ELP4: variants seen among roughly 807,000 people sequenced by gnomAD.
ELP4 encodes the protein elongator acetyltransferase complex subunit 4.
A neutral mutation model predicts 48.9 loss-of-function variants in ELP4; 51 were observed. That is an observed-to-expected ratio of 1.04 (90% CI 0.83 to 1.32). The LOEUF is 1.32. Ranked by LOEUF, ELP4 falls within the 40% of genes most tolerant of loss-of-function variation. The pLI, the probability that ELP4 is intolerant of heterozygous loss-of-function variation, is 0.00. For synonymous variants in ELP4, 210 were observed against 189.2 expected, an observed-to-expected ratio of 1.11 and a Z score of -0.90; for missense variants, 519 against 514.6, an observed-to-expected ratio of 1.01 and a Z score of -0.08.
chr11:31,709,841 G>A (rs1248556829), intron 9 of ELP4, among the ~76,000 whole-genome samples: 1 of 152,068 alleles, frequency 6.6e-6, no homozygotes, highest in East Asian at 1.9e-4. Context: ...CAATCACAAT[G>A]TGTCAAATAC....
At chr11:31,550,241 A>G (rs1420093431) in intron 3 of ELP4, among the ~76,000 whole-genome samples, 1 of 152,120 alleles carries the variant, frequency 6.6e-6, no homozygotes, top group Non-Finnish European at 1.5e-5. Context: ...AGTGAGTATA[A>G]AATACTTTTT....
intron 2 of ELP4, among the ~76,000 whole-genome samples, chr11:31,538,841 T>A (rs1236432501): frequency 2.0e-5 from 3 of 152,034 alleles, no homozygotes; most frequent in African/African-American, 7.3e-5. Flanking sequence ...ATAAAATGAG[T>A]TTAGAAGTGT....
intron 3 of ELP4, among the ~76,000 whole-genome samples, chr11:31,577,835 A>G (rs1216119325): frequency 6.6e-6 from 1 of 152,202 alleles, no homozygotes; most frequent in Non-Finnish European, 1.5e-5. Context: ...CACAGCCAAC[A>G]TCATACTGAA....
chr11:31,546,789 C>G (rs1286389980), intron 3 of ELP4, among the ~76,000 whole-genome samples: 4 of 152,116 alleles, frequency 2.6e-5, no homozygotes, highest in African/African-American at 7.2e-5. Context: ...AACTGTCTCT[C>G]AGACCACAGT....
intron 3 of ELP4, among the ~76,000 whole-genome samples, chr11:31,581,133 A>G (rs1399914742): frequency 2.0e-5 from 3 of 152,208 alleles, no homozygotes; most frequent in African/African-American, 7.2e-5. Flanking sequence ...AAATGTATGT[A>G]AGTGTGAAAC....
At chr11:31,573,295 T>A (rs1288112149) in intron 3 of ELP4, among the ~76,000 whole-genome samples, 2 of 152,206 alleles carry the variant, frequency 1.3e-5, no homozygotes, top group Non-Finnish European at 2.9e-5. Context: ...AAAACTCTTC[T>A]AGCTCTCTAC....
chr11:31,669,909 T>G (rs1241255456), intron 9 of ELP4, among the ~76,000 whole-genome samples: 1 of 152,178 alleles, frequency 6.6e-6, no homozygotes, highest in African/African-American at 2.4e-5. Context: ...TACTTTCTGC[T>G]TGGGATATGC....
chr11:31,597,199 A>AT (rs1050954541), intron 4 of ELP4, among the ~76,000 whole-genome samples: 2 of 152,186 alleles, frequency 1.3e-5, no homozygotes, highest in African/African-American at 4.8e-5. Flanking sequence ...CATACAGCAG[A>AT]TTTTTTTAAC....
intron 9 of ELP4, among the ~76,000 whole-genome samples, chr11:31,713,393 A>G (rs1052662406): frequency 2.0e-5 from 3 of 152,192 alleles, no homozygotes; most frequent in African/African-American, 7.2e-5. Flanking sequence ...TGCCAGAAAT[A>G]TGCTAACAAG....
At chr11:31,538,110 G>T (rs1416397822) in intron 2 of ELP4, among the ~76,000 whole-genome samples, 1 of 151,764 alleles carries the variant, frequency 6.6e-6, no homozygotes, top group African/African-American at 2.4e-5. Flanking sequence ...AATTGCAGGT[G>T]GGATTTCTAA....
At chr11:31,701,264 T>G (rs922362083) in intron 9 of ELP4, among the ~76,000 whole-genome samples, 1 of 152,140 alleles carries the variant, frequency 6.6e-6, no homozygotes. Flanking sequence ...ATATTTTCTG[T>G]TATATAGCCA....
intron 9 of ELP4, among the ~76,000 whole-genome samples, chr11:31,726,874 A>G (rs1336499578): frequency 6.6e-6 from 1 of 152,220 alleles, no homozygotes; most frequent in African/African-American, 2.4e-5. Flanking sequence ...ATGTTTTTCT[A>G]TAATAAACAA....
chr11:31,588,580 G>GT lies in ELP4; in HGVS notation c.382-6182dup, dbSNP rs1399648909. The stretch of plus-strand genomic sequence containing the variant: ...GTACTTCTCCGCGTTGTTTGAAATT[G>GT]TTTTTTTTAAATTATTATTTTTTAA... On this transcript the variant is annotated intron_variant, in intron 3 of 9. Transcript: ENST00000640961. Among the ~76,000 whole-genome samples the GT allele has an allele frequency of 9.9e-5, 15 of 151,796 alleles. No homozygotes were observed. In the East Asian group the frequency reaches 2.7e-3, roughly 27 times the overall value.
At chr11:31,638,539 T>C (rs1382618569) in intron 7 of ELP4, among the ~76,000 whole-genome samples, 1 of 151,872 alleles carries the variant, frequency 6.6e-6, no homozygotes, top group Non-Finnish European at 1.5e-5. Flanking sequence ...AAAATTCATT[T>C]TCTGACGAAA....
intron 9 of ELP4, among the ~76,000 whole-genome samples, chr11:31,722,063 T>A (rs1007400749): frequency 1.3e-5 from 2 of 152,108 alleles, no homozygotes; most frequent in Admixed American, 6.5e-5. Flanking sequence ...ATATTTTGGG[T>A]GAAAAATTGT....
chr11:31,512,458 A>G (rs1956025829), intron 1 of ELP4: 2 of 152,180 alleles, frequency 1.3e-5, no homozygotes, highest in African/African-American at 2.4e-5. Context: ...TGAATTTGAA[A>G]ATTTTCAATA....
intron 5 of ELP4, among the ~76,000 whole-genome samples, chr11:31,612,298 G>T (rs1957996513): frequency 1.3e-5 from 2 of 152,154 alleles, no homozygotes; most frequent in African/African-American, 4.8e-5. Context: ...GAAATAATAG[G>T]CATAGCTATC....
chr11:31,686,670 C>T (rs1470383522), intron 9 of ELP4, among the ~76,000 whole-genome samples: 1 of 151,968 alleles, frequency 6.6e-6, no homozygotes, highest in Non-Finnish European at 1.5e-5. Context: ...TACTTGAGCC[C>T]AGTTCAAGAC....
intron 9 of ELP4, among the ~76,000 whole-genome samples, chr11:31,689,923 CT>C (rs765919040): frequency 2.0e-5 from 3 of 152,046 alleles, no homozygotes; most frequent in Non-Finnish European, 2.9e-5. Context: ...TGGAGAAGTG[CT>C]TGTTAGCAAA....
Sources: allele counts gnomAD v4.1 joint callset (sites outside exome capture counted in the v4.1 genomes callset), GRCh38; gene constraint gnomAD v4.1.1; transcripts MANE v1.5; gene names NCBI Gene and HGNC (gene_info 2026-07-23, HGNC 2026-07-21).